The following CNOT9 variants were observed in gnomAD, a reference collection of about 807,000 sequenced individuals.
CNOT9 encodes CCR4-NOT transcription complex subunit 9.
A neutral mutation model predicts 37.4 loss-of-function variants in CNOT9; 8 were observed. The ratio of observed to expected loss-of-function variants is 0.21; its 90% CI spans 0.13 to 0.39. The LOEUF (loss-of-function observed/expected upper bound fraction) is 0.39. Among genes scored for constraint, CNOT9 ranks in the 10% least tolerant of loss-of-function variants. CNOT9 has a pLI of 1.00. For synonymous variants in CNOT9, 120 were observed against 137.6 expected, an observed-to-expected ratio of 0.87 and a Z score of 0.90; for missense variants, 154 against 365.3, an observed-to-expected ratio of 0.42 and a Z score of 4.71.
chr2:218,591,182 C>CAGT (rs1694762353), intron 5 of CNOT9, among the ~76,000 whole-genome samples: 1 of 152,084 alleles, frequency 6.6e-6, no homozygotes, highest in Non-Finnish European at 1.5e-5. Context: ...CAGCCTACTA[C>CAGT]AGTGTTATAA....
intron 1 of CNOT9, among the ~76,000 whole-genome samples, chr2:218,572,063 G>A (rs1378858398): frequency 6.6e-6 from 1 of 151,560 alleles, no homozygotes; most frequent in African/African-American, 2.4e-5. Context: ...GCTCATGCCT[G>A]TAATCCCAGC....
At chr2:218,581,778 A>G (rs112971553) in intron 2 of CNOT9, among the ~76,000 whole-genome samples, 4,113 of 152,318 alleles carry the variant, frequency 0.027, 181 homozygotes, top group African/African-American at 0.094. Context: ...AAGTTTTACA[A>G]ATAATGTAAA....
chr2:218,595,757 A>AAAAAAAC lies in CNOT9; in HGVS notation c.*1482_*1488dup, dbSNP rs1283672073. ...GTCTATAAGGGGTAGGCTCAAAAAA[A>AAAAAAAC]AAAAAACCCATTTGCAGAGGCAGTT... On this transcript the variant is annotated 3_prime_UTR_variant, in exon 8 of 8. Coordinates refer to ENST00000273064, the MANE Select transcript of CNOT9 (RefSeq NM_005444.3). 4 of 152,020 alleles carry AAAAAAAC rather than the reference A, an allele frequency of 2.6e-5. No homozygotes were observed. Among genetic ancestry groups the AAAAAAAC allele is most frequent in the African/African-American group, 9.7e-5 (4 of 41,396 alleles). 9.4% of individuals were successfully genotyped at this position (152,020 alleles called of 1,614,324 possible).
rs1272296818 is a variant in CNOT9 at position 218,592,120 on chromosome 2, A to G, written c.541-184A>G. On this transcript the variant is annotated intron_variant, in intron 5 of 7. Coordinates refer to ENST00000273064, the MANE Select transcript of CNOT9 (RefSeq NM_005444.3). The surrounding 1 kb of genome is among the most constrained non-coding windows in gnomAD (Gnocchi z 4.1). ...TAGAAAAAAAAACTGGTACAAAGTA[A>G]TGTTCAACATGGTAATATTTATTAT... is the stretch of plus-strand genomic sequence containing the variant. Among the ~76,000 whole-genome samples the G allele has an allele frequency of 6.6e-6, 1 of 152,258 alleles. No homozygotes were observed. Among genetic ancestry groups the G allele is most frequent in the African/African-American group, 2.4e-5 (1 of 41,472 alleles).
At chr2:218,581,431 A>G (rs1694376505) in intron 2 of CNOT9, among the ~76,000 whole-genome samples, 2 of 151,940 alleles carry the variant, frequency 1.3e-5, no homozygotes, top group Admixed American at 6.6e-5. Context: ...TGGCCTCCCA[A>G]AATGTTGAGA....
chr2:218,579,982 C>CTTTT (rs35938584), intron 1 of CNOT9, among the ~76,000 whole-genome samples: 2 of 115,360 alleles, frequency 1.7e-5, no homozygotes, highest in African/African-American at 6.5e-5. Flanking sequence ...CCACACCTGG[C>CTTTT]TTTTTTTTTT....
intron 2 of CNOT9, among the ~76,000 whole-genome samples, chr2:218,582,524 A>G (rs967474141): frequency 6.6e-6 from 1 of 152,118 alleles, no homozygotes; most frequent in Non-Finnish European, 1.5e-5. Context: ...CCCCATCTCT[A>G]CTAAAAATAC....
At chr2:218,569,818 C>T (rs1196151931) in intron 1 of CNOT9, among the ~76,000 whole-genome samples, 1 of 152,188 alleles carries the variant, frequency 6.6e-6, no homozygotes, top group Non-Finnish European at 1.5e-5. Context: ...ATTGGTACCT[C>T]TTCCTTGAAC....
Position 218,582,962 on chromosome 2 carries a change from A to G in CNOT9, c.205-9A>G. 1 of 1,529,324 alleles carries G rather than the reference A, an allele frequency of 6.5e-7. No individual in the cohort carries two copies. Among genetic ancestry groups the G allele is most frequent in the Middle Eastern group, 1.7e-4 (1 of 5,878 alleles). 94.7% of individuals were successfully genotyped at this position (1,529,324 alleles called of 1,614,324 possible). A position where few individuals can be genotyped will look rare whatever the true frequency, so the allele number is the denominator to read the frequency against. ...CCTTATTCATCTGATGCTGATTTCC[A>G]TTTTTTAGGAAATTGTAAATATTTA... On this transcript the variant is annotated splice_polypyrimidine_tract_variant and intron_variant, in intron 2 of 7. Coordinates refer to ENST00000273064, the MANE Select transcript of CNOT9 (RefSeq NM_005444.3).
chr2:218,584,885 A>G (rs1435833284), intron 4 of CNOT9, among the ~76,000 whole-genome samples, 164 bp downstream of exon 4: 1 of 152,188 alleles, frequency 6.6e-6, no homozygotes, highest in Admixed American at 6.5e-5. Context: ...GATGACTCCT[A>G]TCAAGCACTC....
chr2:218,588,974 T>C (rs937553099), intron 5 of CNOT9, among the ~76,000 whole-genome samples: 2 of 152,230 alleles, frequency 1.3e-5, no homozygotes. Context: ...ACATCAGTTA[T>C]GCTCTATTAT....
At chr2:218,582,886 TG>T (rs1323203715) in intron 2 of CNOT9, 84 bp from the exon 3 acceptor site, 1 of 756,186 alleles carries the variant, frequency 1.3e-6, no homozygotes, top group East Asian at 2.5e-5. Context: ...CTATTTTATT[TG>T]CCTTTTTTTT....
At position 218,568,895 on chromosome 2, in the gene CNOT9, G is replaced by T; in HGVS notation, c.-60G>T. 6.3e-7 allele frequency: 1 copy of T among 1,582,000 alleles called. No homozygotes were observed. The highest frequency in any genetic ancestry group is 8.6e-7 in the Non-Finnish European group (1 of 1,162,422). On this transcript the variant is annotated 5_prime_UTR_variant, in exon 1 of 8. An upstream open reading frame in the 5' UTR loses its in-frame stop. Coordinates refer to ENST00000273064, the MANE Select transcript of CNOT9 (RefSeq NM_005444.3). ...CATTGTTTTCCGCTGCAGGGGTGCT[G>T]AAGGGGGGACGCGGGTCGGACGCGT...
At chr2:218,588,287 CTT>C (rs539751873) in intron 5 of CNOT9, among the ~76,000 whole-genome samples, 8 of 141,526 alleles carry the variant, frequency 5.7e-5, no homozygotes, top group Admixed American at 1.4e-4. Context: ...AATCATATAT[CTT>C]TTTTTTTTTT....
At chr2:218,589,576 T>C (rs1327605975) in intron 5 of CNOT9, among the ~76,000 whole-genome samples, 3 of 152,192 alleles carry the variant, frequency 2.0e-5, no homozygotes, top group Admixed American at 2.0e-4. Context: ...GCTCAAAGGA[T>C]CTTCCTGCCT....
At chr2:218,584,166 G>T (rs1448400079) in intron 3 of CNOT9, among the ~76,000 whole-genome samples, 1 of 152,134 alleles carries the variant, frequency 6.6e-6, no homozygotes, top group Non-Finnish European at 1.5e-5. Context: ...AGTTTGTAAG[G>T]TACTTTTTGC....
At chr2:218,581,346 A>G (rs1207454793) in intron 2 of CNOT9, among the ~76,000 whole-genome samples, 1 of 147,586 alleles carries the variant, frequency 6.8e-6, no homozygotes, top group African/African-American at 2.5e-5. Flanking sequence ...TTTTTTTTTA[A>G]TTTTTAGTAG....
intron 1 of CNOT9, among the ~76,000 whole-genome samples, chr2:218,576,038 C>G (rs187225598): frequency 6.6e-6 from 1 of 152,154 alleles, no homozygotes; most frequent in Non-Finnish European, 1.5e-5. Flanking sequence ...TAATAACCAC[C>G]ATGTTGTGAT....
chr2:218,592,154 C>G lies in CNOT9; in HGVS notation c.541-150C>G. 2 of 606,466 alleles carry G rather than the reference C, an allele frequency of 3.3e-6. No homozygotes were observed. The highest frequency in any genetic ancestry group is 5.9e-6 in the Non-Finnish European group (2 of 340,954). 37.6% of individuals were successfully genotyped at this position (606,466 alleles called of 1,614,324 possible). A position where few individuals can be genotyped will look rare whatever the true frequency, so the allele number is the denominator to read the frequency against. ...ATGGTAATATTTATTATTCTTTGTA[C>G]TATACATATATGATAAAGTTGTACA... On this transcript the variant is annotated intron_variant, in intron 5 of 7. Coordinates refer to ENST00000273064, the MANE Select transcript of CNOT9 (RefSeq NM_005444.3). The surrounding 1 kb of genome is among the most constrained non-coding windows in gnomAD (Gnocchi z 4.1).
Sources: gnomAD v4.1 joint callset for allele counts (sites outside exome capture counted in the v4.1 genomes callset) on GRCh38, gnomAD v4.1.1 for gene constraint, Gnocchi (gnomAD v3.1) non-coding constraint, MANE v1.5 for transcripts, NCBI Gene and HGNC (gene_info 2026-07-23, HGNC 2026-07-21) for gene names.